The following USP25 variants were observed in gnomAD, a reference collection of about 807,000 sequenced individuals.
USP25 encodes the protein ubiquitin specific peptidase 25.
USP25 carries 85 observed loss-of-function variants against 158.5 expected under a neutral mutation model. The ratio of observed to expected loss-of-function variants is 0.54; its 90% confidence interval spans 0.45 to 0.64. The LOEUF (loss-of-function observed/expected upper bound fraction) is 0.64. Ranked by LOEUF, USP25 falls within the 30% of genes least tolerant of loss-of-function variation. USP25 has a pLI of 0.00. For synonymous variants in USP25, 464 were observed against 460.4 expected (o/e 1.01, Z -0.10); for missense variants, 1,242 against 1,327.3 (o/e 0.94, Z 1.00).
chr21:15,815,296 TA>T (rs1373844134), intron 9 of USP25, among the ~76,000 whole-genome samples: 1 of 152,170 alleles, frequency 6.6e-6, no homozygotes, highest in Non-Finnish European at 1.5e-5. Flanking sequence ...CAACCTCTGC[TA>T]GGGCAGTACG....
intron 20 of USP25, among the ~76,000 whole-genome samples, chr21:15,856,428 C>G (rs2039140390): frequency 6.6e-6 from 1 of 151,998 alleles, no homozygotes; most frequent in South Asian, 2.1e-4. Flanking sequence ...GGCATTCATC[C>G]TGTATTTATA....
chr21:15,790,509 G>T (rs1158675992), intron 4 of USP25, among the ~76,000 whole-genome samples: 2 of 151,710 alleles, frequency 1.3e-5, no homozygotes, highest in South Asian at 4.2e-4. Context: ...GGATAAAAAT[G>T]GTGTGAAATG....
chr21:15,818,230 C>A (rs998538165), intron 9 of USP25, among the ~76,000 whole-genome samples: 3 of 152,250 alleles, frequency 2.0e-5, no homozygotes, highest in Non-Finnish European at 4.4e-5. Context: ...ATTTTTATAC[C>A]TCTCACATAA....
chr21:15,850,124 G>T (rs145911654), intron 20 of USP25, among the ~76,000 whole-genome samples: 1 of 151,980 alleles, frequency 6.6e-6, no homozygotes, highest in African/African-American at 2.4e-5. Flanking sequence ...CTTTTGATTT[G>T]TCAGCAGAAA....
rs773777188 is a variant in USP25, at chr21:15,826,349, TCACAGA to T, written c.1453_1458del (p.Gln485_Thr486del). The T allele has an allele frequency of 6.2e-6, 10 of 1,613,826 alleles. No homozygotes were observed. In the Admixed American group the frequency reaches 1.7e-4, roughly 27 times the overall value. ...TTCCCCACCTAGTGGTTCCATACCATCACAGACATTACCAAGGTAAAAAGTAATCCT... is the reference window on the plus strand; with the variant it reads ...TTCCCCACCTAGTGGTTCCATACCATCATTACCAAGGTAAAAAGTAATCCT... On this transcript the variant is annotated inframe_deletion, in exon 13 of 26. Coordinates refer to ENST00000400183, the MANE Select transcript of USP25 (RefSeq NM_001283041.3). The surrounding 1 kb of genome is among the most constrained non-coding windows in gnomAD (Gnocchi z 4.8).
At chr21:15,811,765 C>G (rs1191374419) in intron 9 of USP25, among the ~76,000 whole-genome samples, 1 of 152,122 alleles carries the variant, frequency 6.6e-6, no homozygotes, top group Admixed American at 6.5e-5. Context: ...TAAGTAGTTT[C>G]TGTTTGGGTT....
intron 1 of USP25, among the ~76,000 whole-genome samples, chr21:15,735,696 A>G (rs887227693): frequency 6.6e-6 from 1 of 152,136 alleles, no homozygotes; most frequent in Non-Finnish European, 1.5e-5. Context: ...GAGTCATTCA[A>G]AATTGGTGGT....
chr21:15,863,155 G>A (rs1250612240), intron 20 of USP25, among the ~76,000 whole-genome samples: 3 of 151,772 alleles, frequency 2.0e-5, no homozygotes, highest in Non-Finnish European at 4.4e-5. Flanking sequence ...ATAGCAATAT[G>A]TACAATATGT....
At chr21:15,858,295 G>T (rs1346716758) in intron 20 of USP25, among the ~76,000 whole-genome samples, 1 of 151,450 alleles carries the variant, frequency 6.6e-6, no homozygotes, top group Non-Finnish European at 1.5e-5. Flanking sequence ...TTAGTATTTT[G>T]AGTCTTGCCC....
intron 19 of USP25, 139 bp from the exon 20 acceptor site, chr21:15,849,638 T>C (rs2038793206): frequency 1.6e-6 from 1 of 618,450 alleles, no homozygotes; most frequent in South Asian, 2.5e-5. Context: ...GGTGCTTACA[T>C]GCATATTGGA....
chr21:15,790,489 A>G (rs2123605917), intron 4 of USP25, among the ~76,000 whole-genome samples: 1 of 152,110 alleles, frequency 6.6e-6, no homozygotes, highest in South Asian at 2.1e-4. Flanking sequence ...CTGATAGGAT[A>G]AAATCTTTAG....
At position 15,824,225 on chromosome 21, in the gene USP25, T is replaced by C. The variant is rs1011762743; in HGVS notation, c.1208+59T>C. On this transcript the variant is annotated intron_variant, in intron 11 of 25. Coordinates refer to ENST00000400183, the MANE Select transcript of USP25 (RefSeq NM_001283041.3). ...AACAGTTTAGTAAGGGAGAAAATAT[T>C]GTTTAGAGGAAAATTCTGCATAATT... 3 of 1,574,364 alleles carry C rather than the reference T, an allele frequency of 1.9e-6. No individual in the cohort carries two copies. In the African/African-American group the frequency reaches 4.1e-5, roughly 21 times the overall value.
In USP25 at chr21:15,833,352, G is replaced by A. The variant is rs182766356; in HGVS notation, c.1998G>A (p.Glu666=). 690 of 1,611,756 alleles carry A rather than the reference G, an allele frequency of 4.3e-4. 1 individual carries two copies. In the Admixed American group the frequency reaches 9.9e-3, roughly 23 times the overall value. Reference sequence around the variant, plus strand: ...TTTTTGAAATATGATTTGCAGAGGAGTTTAATAAAGAAACTGGGCAGCCCC... The same window carrying A: ...TTTTTGAAATATGATTTGCAGAGGAATTTAATAAAGAAACTGGGCAGCCCC... The part of the protein sequence containing the change: ...NDKAQFLIQE[E]FNKETGQPLV... Residue 666 remains glutamate (E), a synonymous_variant, in exon 17 of 26, where the codon GAG becomes GAA. Transcript: ENST00000400183.
At chr21:15,779,675 G>A (rs2123513114) in intron 4 of USP25, among the ~76,000 whole-genome samples, 1 of 151,922 alleles carries the variant, frequency 6.6e-6, no homozygotes, top group East Asian at 1.9e-4. Context: ...GTTTTGGATA[G>A]TTGTTTTTAT....
intron 1 of USP25, among the ~76,000 whole-genome samples, chr21:15,732,490 A>G (rs781781691): frequency 1.3e-5 from 2 of 152,174 alleles, no homozygotes; most frequent in Non-Finnish European, 2.9e-5. Context: ...GGTAACTAGG[A>G]AGTGAACTTC....
At chr21:15,732,957 T>A (rs1357642991) in intron 1 of USP25, among the ~76,000 whole-genome samples, 1 of 152,088 alleles carries the variant, frequency 6.6e-6, no homozygotes, top group Non-Finnish European at 1.5e-5. Context: ...TTTTCTGAGG[T>A]TTAGGTATTT....
At chr21:15,864,172 AG>A in intron 20 of USP25, 95 bp from the exon 21 acceptor site, 11 of 1,270,530 alleles carry the variant, frequency 8.7e-6, no homozygotes, top group South Asian at 2.9e-5. Flanking sequence ...AAAAAAAAAA[AG>A]ATTTAAATGC....
chr21:15,808,817 G>C lies in USP25; in HGVS notation c.789G>C (p.Val263=), dbSNP rs759694844. The change falls in exon 8 of 26, where the codon GTG becomes GTC. Residue 263 remains valine, a synonymous_variant. Transcript: ENST00000400183. ...CTTTTTTCTTTTCACAGCAAGATGT[G>C]AGTGAGTTTACACACAAATTATTAG... ...FKSNDSQQQD[V]SEFTHKLLDW... 5 of 1,603,470 alleles carry C rather than the reference G, an allele frequency of 3.1e-6. No individual in the cohort carries two copies. The East Asian group carries it at 1.1e-4, about 36-fold the overall frequency.
intron 1 of USP25, among the ~76,000 whole-genome samples, chr21:15,737,112 A>G (rs1379733389): frequency 6.6e-6 from 1 of 152,006 alleles, no homozygotes; most frequent in Non-Finnish European, 1.5e-5. Context: ...ATTTAAAACT[A>G]CATTATTTGG....
Sources: gnomAD v4.1 joint callset for allele counts (sites outside exome capture counted in the v4.1 genomes callset) on GRCh38, gnomAD v4.1.1 for gene constraint, Gnocchi (gnomAD v3.1) non-coding constraint, MANE v1.5 for transcripts, NCBI Gene and HGNC (gene_info 2026-07-23, HGNC 2026-07-21) for gene names.